KDM4D: variants seen among roughly 807,000 people sequenced by gnomAD.
KDM4D encodes the protein lysine-specific demethylase 4D.
For missense variants in KDM4D, 427 were observed against 674.8 expected, an observed-to-expected ratio of 0.63 and a Z score of 4.07; for synonymous variants, 254 against 249.1, an observed-to-expected ratio of 1.02 and a Z score of -0.19.
chr11:94,986,001 C>A lies in KDM4D; in HGVS notation c.-350+10253C>A, dbSNP rs868912040. ...ATGACATTGAGCTGGGCAATAACTT[C>A]TTAGACACAAAGCCAAAAGCACAAG... On this transcript the variant is annotated intron_variant, in intron 2 of 2. Transcript: ENST00000335080. 2.0e-5 allele frequency among the ~76,000 whole-genome samples: 3 copies of A among 152,290 alleles called. 1 individual carries two copies. The Middle Eastern group carries it at 0.01, about 518-fold the overall frequency.
intron 1 of KDM4D, among the ~76,000 whole-genome samples, chr11:94,975,348 T>C (rs782511620): frequency 4.9e-4 from 74 of 152,310 alleles, no homozygotes; most frequent in Non-Finnish European, 1.0e-3. Flanking sequence ...GGAGACAGCA[T>C]GCGAAGGTCA....
chr11:94,979,315 C>T (rs1857824472), intron 2 of KDM4D, among the ~76,000 whole-genome samples: 1 of 152,074 alleles, frequency 6.6e-6, no homozygotes, highest in African/African-American at 2.4e-5. Flanking sequence ...CTGCAACCTC[C>T]TTCTCTCAGG....
chr11:94,984,693 T>TAAA lies in KDM4D; in HGVS notation c.-350+8967_-350+8969dup, dbSNP rs35239329. 3.5e-3 allele frequency among the ~76,000 whole-genome samples: 309 copies of TAAA among 87,722 alleles called. 2 individuals are homozygous for TAAA. The highest frequency in any genetic ancestry group is 0.012 in the African/African-American group (271 of 22,276). The allele number at this position is 87,722 out of a possible 152,430, so 57.5% of individuals were successfully genotyped here. On this transcript the variant is annotated intron_variant, in intron 2 of 2. Transcript: ENST00000335080. ...CAACATGGTGAAACCCCATCTCTAC[T>TAAA]AAAAAAAAAAAAAAAAAAAAAAAAT...
intron 2 of KDM4D, among the ~76,000 whole-genome samples, chr11:94,991,539 C>T (rs1857934399): frequency 1.3e-5 from 2 of 151,894 alleles, no homozygotes; most frequent in South Asian, 4.1e-4. Flanking sequence ...AATGTACATA[C>T]ATGCAGGAAC....
intron 2 of KDM4D, among the ~76,000 whole-genome samples, chr11:94,983,953 T>C (rs1022290896): frequency 2.0e-5 from 3 of 152,144 alleles, no homozygotes; most frequent in African/African-American, 7.2e-5. Flanking sequence ...TAATTCAAAG[T>C]ATCTACCCTA....
At position 94,975,652 on chromosome 11, in the gene KDM4D, A is replaced by G. The variant is rs1857791669; in HGVS notation, c.-444-2A>G. Reference sequence around the variant, plus strand: ...TTATTATTGTCTATCTTCCTATATTAGAACATAAGTTCCAGGAAAGCAGGA... The same window carrying G: ...TTATTATTGTCTATCTTCCTATATTGGAACATAAGTTCCAGGAAAGCAGGA... On this transcript the variant is annotated splice_acceptor_variant, in intron 1 of 2. Coordinates refer to ENST00000335080, the MANE Select transcript of KDM4D (RefSeq NM_018039.3). LOFTEE classifies it low-confidence loss of function (5UTR_SPLICE). 6.6e-6 allele frequency: 1 copy of G among 152,076 alleles called. No homozygotes were observed. The highest frequency in any genetic ancestry group is 2.4e-5 in the African/African-American group (1 of 41,430). 9.4% of individuals were successfully genotyped at this position (152,076 alleles called of 1,614,324 possible).
At chr11:94,982,543 TAAAAAAAA>T (rs56220010) in intron 2 of KDM4D, among the ~76,000 whole-genome samples, 2 of 139,556 alleles carry the variant, frequency 1.4e-5, no homozygotes, top group African/African-American at 5.4e-5. Context: ...TCCCTATTTC[TAAAAAAAA>T]AAAAAAAAGA....
rs587639502 is a variant in KDM4D, at chr11:94,999,022, C to T, written c.*78C>T. 377 of 1,397,718 alleles carry T rather than the reference C, an allele frequency of 2.7e-4. No homozygotes were observed. The highest frequency in any genetic ancestry group is 3.3e-4 in the Non-Finnish European group (351 of 1,063,896). 86.6% of individuals were successfully genotyped at this position (1,397,718 alleles called of 1,614,324 possible). A position where few individuals can be genotyped will look rare whatever the true frequency, so the allele number is the denominator to read the frequency against. ...AACTGGTTACATTTACATCCCAAAA[C>T]TTTGGTTGAGTTTGCAGGACTCTAG... On this transcript the variant is annotated 3_prime_UTR_variant, in exon 3 of 3. Transcript: ENST00000335080.
At chr11:94,993,081 ACTTACTC>A (rs1857948577) in intron 2 of KDM4D, among the ~76,000 whole-genome samples, 2 of 152,102 alleles carry the variant, frequency 1.3e-5, no homozygotes, top group African/African-American at 4.8e-5. Flanking sequence ...GGACTGTTAA[ACTTACTC>A]AGCTTCACTT....
intron 2 of KDM4D, 38 bp from the exon 3 acceptor site, chr11:94,996,986 A>G (rs797031436): frequency 4.2e-4 from 65 of 156,294 alleles, no homozygotes; most frequent in African/African-American, 1.5e-3. Context: ...ATTTTTTCCA[A>G]ATATCAATTT....
chr11:94,978,154 A>G (rs1202814581), intron 2 of KDM4D, among the ~76,000 whole-genome samples: 1 of 152,156 alleles, frequency 6.6e-6, no homozygotes, highest in Non-Finnish European at 1.5e-5. Context: ...CCCTAATCCA[A>G]TCACAACTCT....
chr11:94,997,398 A>C lies in KDM4D; in HGVS notation c.26A>C (p.Asn9Thr). 2.5e-6 allele frequency: 4 copies of C among 1,611,830 alleles called. No individual in the cohort carries two copies. The highest frequency in any genetic ancestry group is 3.4e-6 in the Non-Finnish European group (4 of 1,178,918). Residue 9 changes from asparagine to threonine, a missense_variant, in exon 3 of 3, where the codon AAC (asparagine) becomes ACC (threonine). Physicochemically the swap from Asn to Thr is moderately conservative, Grantham distance 65. Transcript: ENST00000335080. METMKSKA[N>T]CAQNPNCNIM... ...ATGGAAACTATGAAGTCTAAGGCCA[A>C]CTGTGCCCAGAATCCAAATTGTAAC...
In KDM4D at chr11:94,999,011, A is replaced by G; in HGVS notation, c.*67A>G. On this transcript the variant is annotated 3_prime_UTR_variant, in exon 3 of 3. Coordinates refer to ENST00000335080, the MANE Select transcript of KDM4D (RefSeq NM_018039.3). ...CAGTTTGATGAAACTGGTTACATTT[A>G]CATCCCAAAACTTTGGTTGAGTTTG... is the stretch of plus-strand genomic sequence containing the variant. The G allele has an allele frequency of 1.4e-6, 2 of 1,422,014 alleles. No homozygotes were observed. Among genetic ancestry groups the G allele is most frequent in the East Asian group, 4.8e-5 (2 of 41,810 alleles). The allele number at this position is 1,422,014 out of a possible 1,614,324, so 88.1% of individuals were successfully genotyped here.
intron 2 of KDM4D, among the ~76,000 whole-genome samples, chr11:94,993,030 G>C (rs1555098839): frequency 6.6e-6 from 1 of 152,092 alleles, no homozygotes. Flanking sequence ...TACATATGCA[G>C]CAAGAAAGAC....
chr11:94,993,553 TGTA>T (rs1386420256), intron 2 of KDM4D, among the ~76,000 whole-genome samples: 1 of 151,322 alleles, frequency 6.6e-6, no homozygotes, highest in Non-Finnish European at 1.5e-5. Context: ...ACTTACAAAT[TGTA>T]GTATTTTCTT....
At chr11:94,992,640 T>C (rs767911552) in intron 2 of KDM4D, among the ~76,000 whole-genome samples, 6 of 152,136 alleles carry the variant, frequency 3.9e-5, no homozygotes, top group Non-Finnish European at 8.8e-5. Flanking sequence ...TTAAATTCTA[T>C]AATGTAATTT....
rs1317241659 is a variant in KDM4D, at chr11:94,973,930, A to G, written c.-583A>G. On this transcript the variant is annotated 5_prime_UTR_variant, in exon 1 of 3. Coordinates refer to ENST00000335080, the MANE Select transcript of KDM4D (RefSeq NM_018039.3). Reference sequence around the variant, plus strand: ...GATTACACCAAACTGTTTAAATCCAACGACTCCTGCTTCCATCCTTTCTCC... The same window carrying G: ...GATTACACCAAACTGTTTAAATCCAGCGACTCCTGCTTCCATCCTTTCTCC... 6.6e-6 allele frequency: 1 copy of G among 152,396 alleles called. No individual in the cohort carries two copies. Among genetic ancestry groups the G allele is most frequent in the East Asian group, 1.9e-4 (1 of 5,194 alleles). The allele number at this position is 152,396 out of a possible 1,614,324, so 9.4% of individuals were successfully genotyped here. A position where few individuals can be genotyped will look rare whatever the true frequency, so the allele number is the denominator to read the frequency against.
intron 2 of KDM4D, among the ~76,000 whole-genome samples, chr11:94,988,267 T>A (rs587644772): frequency 6.6e-6 from 1 of 152,290 alleles, no homozygotes; most frequent in East Asian, 1.9e-4. Context: ...AAGAAAAGCA[T>A]GAGGATAGAA....
At chr11:94,992,299 G>A (rs1360930176) in intron 2 of KDM4D, among the ~76,000 whole-genome samples, 1 of 151,622 alleles carries the variant, frequency 6.6e-6, no homozygotes, top group East Asian at 1.9e-4. Flanking sequence ...TCTAACAAAA[G>A]GGTTTAATAT....
Sources: allele counts gnomAD v4.1 joint callset (sites outside exome capture counted in the v4.1 genomes callset), GRCh38; gene constraint gnomAD v4.1.1; transcripts MANE v1.5; gene names NCBI Gene and HGNC (gene_info 2026-07-23, HGNC 2026-07-21).